The following LARGE1 variants were observed in gnomAD, a reference collection of about 807,000 sequenced individuals.
LARGE1 encodes LARGE xylosyl- and glucuronyltransferase 1.
LARGE1 carries 43 observed loss-of-function variants against 87.6 expected under a neutral mutation model. The ratio of observed to expected loss-of-function variants is 0.49; its 90% CI spans 0.38 to 0.63. The LOEUF is 0.63. LARGE1 is among the 30% of genes least tolerant of loss of function. LARGE1 has a pLI of 0.00. For missense variants in LARGE1, 802 were observed against 1,000.2 expected (o/e 0.80, Z 2.67); for synonymous variants, 434 against 394.6 (o/e 1.10, Z -1.18).
At chr22:33,136,360 A>T in the LARGE1 span, among the ~76,000 whole-genome samples, 16 of 152,196 alleles carry the variant, frequency 1.1e-4, no homozygotes, top group African/African-American at 3.9e-4. Flanking sequence ...ATGAGAACCA[A>T]GTGAAAGGGG....
intron 6 of LARGE1, among the ~76,000 whole-genome samples, chr22:33,477,611 C>T (rs535824785): frequency 4.0e-4 from 61 of 152,254 alleles, no homozygotes; most frequent in South Asian, 8.3e-4. Context: ...CATGCACACA[C>T]GCACCCCCAC....
chr22:33,408,713 T>C (rs1428518138), intron 7 of LARGE1, among the ~76,000 whole-genome samples: 5 of 151,964 alleles, frequency 3.3e-5, no homozygotes, highest in African/African-American at 1.2e-4. Flanking sequence ...TTTTTTTTCT[T>C]TTTGCCTTAA....
At chr22:33,826,344 C>CT (rs35127990) in intron 1 of LARGE1, among the ~76,000 whole-genome samples, 42,157 of 137,784 alleles carry the variant, frequency 0.31, 6,656 homozygotes, top group Admixed American at 0.44. Context: ...CTTTGCATAC[C>CT]TTTTTTTTTT....
intron 5 of LARGE1, among the ~76,000 whole-genome samples, 194 bp downstream of exon 5, chr22:33,604,241 A>G (rs1028034101): frequency 5.3e-5 from 8 of 152,216 alleles, no homozygotes; most frequent in African/African-American, 1.9e-4. Flanking sequence ...ACCAAAGTGG[A>G]TTTTGTGCAC....
chr22:33,138,600 C>T, the LARGE1 span, among the ~76,000 whole-genome samples: 32 of 152,044 alleles, frequency 2.1e-4, no homozygotes, highest in Non-Finnish European at 2.8e-4. Flanking sequence ...TGTGCCACCA[C>T]GCCTGGCTAT....
chr22:33,519,847 C>T (rs542959846), intron 6 of LARGE1, among the ~76,000 whole-genome samples: 79 of 152,196 alleles, frequency 5.2e-4, no homozygotes, highest in African/African-American at 1.8e-3. Context: ...ATTTCCAAGT[C>T]GTGTTCTTAA....
chr22:33,276,445 G>T (rs1028312650), intron 14 of LARGE1, among the ~76,000 whole-genome samples: 1 of 152,208 alleles, frequency 6.6e-6, no homozygotes, highest in African/African-American at 2.4e-5. Context: ...AGACCTGTAG[G>T]TCCCATGAAG....
chr22:33,540,537 G>A (rs1245735845), intron 6 of LARGE1, among the ~76,000 whole-genome samples: 2 of 152,200 alleles, frequency 1.3e-5, no homozygotes, highest in Non-Finnish European at 2.9e-5. Context: ...CTCCCAAACA[G>A]TACCCTGCCC....
At chr22:33,143,157 A>C in the LARGE1 span, among the ~76,000 whole-genome samples, 1 of 152,196 alleles carries the variant, frequency 6.6e-6, no homozygotes, top group East Asian at 1.9e-4. Flanking sequence ...AATGACCAAG[A>C]GAAAGGGAAG....
chr22:33,170,750 C>A (rs1922524359), intron 11 of LARGE1, among the ~76,000 whole-genome samples: 1 of 152,150 alleles, frequency 6.6e-6, no homozygotes, highest in Non-Finnish European at 1.5e-5. Flanking sequence ...ATCTTGGTAT[C>A]TTTATAACAG....
chr22:33,830,534 T>C (rs1203631729), intron 1 of LARGE1, among the ~76,000 whole-genome samples: 3 of 152,194 alleles, frequency 2.0e-5, no homozygotes, highest in Non-Finnish European at 4.4e-5. Flanking sequence ...TTATTGAACA[T>C]TTCCCTGCCT....
At chr22:33,872,255 A>C (rs530658179) in intron 1 of LARGE1, among the ~76,000 whole-genome samples, 26 of 151,884 alleles carry the variant, frequency 1.7e-4, no homozygotes, top group African/African-American at 5.8e-4. Context: ...TGCACTGTGA[A>C]ATGGGCACGC....
intron 7 of LARGE1, among the ~76,000 whole-genome samples, chr22:33,416,467 C>A (rs2066486844): frequency 6.6e-6 from 1 of 152,162 alleles, no homozygotes; most frequent in African/African-American, 2.4e-5. Context: ...ACTCCTCCAT[C>A]ATAGTGCAGG....
chr22:33,863,322 A>T (rs1049712649), intron 1 of LARGE1, among the ~76,000 whole-genome samples: 1 of 152,200 alleles, frequency 6.6e-6, no homozygotes, highest in Non-Finnish European at 1.5e-5. Context: ...TTCCTTTAGC[A>T]GTCAAGAGGG....
At chr22:33,212,518 C>T (rs532635242) in intron 11 of LARGE1, among the ~76,000 whole-genome samples, 7 of 152,302 alleles carry the variant, frequency 4.6e-5, no homozygotes, top group African/African-American at 1.7e-4. Context: ...GGGAGATGTA[C>T]AAGATTAATG....
At chr22:33,884,615 G>A (rs1337001154) in intron 1 of LARGE1, among the ~76,000 whole-genome samples, 2 of 152,226 alleles carry the variant, frequency 1.3e-5, no homozygotes, top group Non-Finnish European at 2.9e-5. Context: ...ACCATCCCGC[G>A]GAGCTGCCAG....
At chr22:33,446,202 T>C (rs1026433917) in intron 6 of LARGE1, among the ~76,000 whole-genome samples, 5 of 152,188 alleles carry the variant, frequency 3.3e-5, no homozygotes, top group Non-Finnish European at 5.9e-5. Flanking sequence ...CATCCAGGTC[T>C]GGGAGGATGG....
intron 11 of LARGE1, among the ~76,000 whole-genome samples, chr22:33,199,415 G>T (rs13053920): frequency 2.0e-5 from 3 of 152,062 alleles, no homozygotes; most frequent in Admixed American, 6.6e-5. Context: ...TGAGAACTTA[G>T]TCATAAATTA....
intron 2 of LARGE1, among the ~76,000 whole-genome samples, chr22:33,663,528 TGGTGAA>T (rs1267158638): frequency 6.6e-6 from 1 of 152,164 alleles, no homozygotes; most frequent in Non-Finnish European, 1.5e-5. Flanking sequence ...AAGCCTATGA[TGGTGAA>T]GCCTCCAGTA....
Sources: allele counts gnomAD v4.1 joint callset (sites outside exome capture counted in the v4.1 genomes callset), GRCh38; gene constraint gnomAD v4.1.1; transcripts MANE v1.5; gene names NCBI Gene and HGNC (gene_info 2026-07-23, HGNC 2026-07-21).